Variants in SYNE1 observed in about 807,000 individuals in gnomAD.
The protein encoded by SYNE1 is spectrin repeat containing nuclear envelope protein 1.
In SYNE1, 616 loss-of-function variants were observed where a neutral mutation model predicts 1,111.0. That is an observed-to-expected ratio of 0.55 (90% confidence interval 0.52 to 0.59). The LOEUF (loss-of-function observed/expected upper bound fraction) is 0.59, where lower values mean the gene tolerates loss of function less well. Ranked by LOEUF, SYNE1 falls within the 20% of genes least tolerant of loss-of-function variation. The pLI, the probability that SYNE1 is intolerant of heterozygous loss-of-function variation, is 0.00. For missense variants in SYNE1, 10,006 were observed against 10,417.0 expected (o/e 0.96, Z 1.72); for synonymous variants, 3,855 against 3,825.8 (o/e 1.01, Z -0.28).
Position 152,352,046 on chromosome 6 carries a change from GC to G in SYNE1, c.11560del (p.Ala3854LeufsTer20), listed in dbSNP as rs1563277318. 3 of 1,614,090 alleles carry G rather than the reference GC, an allele frequency of 1.9e-6. No individual in the cohort carries two copies. Among genetic ancestry groups the G allele is most frequent in the East Asian group, 2.2e-5 (1 of 44,876 alleles). ...EPKMELYEKK[A>X]QLSKYKSLQQ... Reference sequence around the variant, plus strand: ...CACTACCTTGTATTTAGATAACTGAGCTTTTTTCTCATATAATTCCATTTTG... The same window carrying G: ...CACTACCTTGTATTTAGATAACTGAGTTTTTTCTCATATAATTCCATTTTG... On this transcript the variant is annotated frameshift_variant, in exon 70 of 146. Coordinates refer to ENST00000367255, the MANE Select transcript of SYNE1 (RefSeq NM_182961.4). LOFTEE classifies it high-confidence loss of function.
intron 3 of SYNE1, among the ~76,000 whole-genome samples, chr6:152,622,797 G>A (rs372279560): frequency 5.9e-5 from 9 of 152,224 alleles, no homozygotes; most frequent in Admixed American, 2.0e-4. Flanking sequence ...TGGGATTGCT[G>A]GGTTGAATGG....
chr6:152,248,640 C>G (rs2088150561), intron 105 of SYNE1, among the ~76,000 whole-genome samples: 1 of 152,114 alleles, frequency 6.6e-6, no homozygotes, highest in South Asian at 2.1e-4. Context: ...ATAGAATTAC[C>G]TGTGTTTTTC....
Position 152,565,215 on chromosome 6 carries a change from CCT to C in SYNE1, c.68-25196_68-25195del, listed in dbSNP as rs201956267. Reference sequence around the variant, plus strand: ...CTAGCTTCAACACTAAGAAAGAGGGCCTCTTGTGGAATTTAGACATTCAAAGG... The same window carrying C: ...CTAGCTTCAACACTAAGAAAGAGGGCCTTGTGGAATTTAGACATTCAAAGG... On this transcript the variant is annotated intron_variant, in intron 3 of 145. Transcript: ENST00000367255. Among the ~76,000 whole-genome samples, 840 of 152,268 alleles carry C rather than the reference CCT, an allele frequency of 5.5e-3. 14 individuals carry two copies. Among genetic ancestry groups the C allele is most frequent in the African/African-American group, 0.019 (805 of 41,550 alleles).
intron 10 of SYNE1, among the ~76,000 whole-genome samples, chr6:152,501,641 A>C (rs1354346392): frequency 1.3e-5 from 2 of 152,138 alleles, no homozygotes; most frequent in Non-Finnish European, 2.9e-5. Flanking sequence ...AGGCTGAGGC[A>C]GGAGAATTGT....
At position 152,151,579 on chromosome 6, in the gene SYNE1, C is replaced by T; in HGVS notation, c.24424G>A (p.Val8142Ile). The change falls in exon 135 of 146, where the codon GTT (valine) becomes ATT (isoleucine). Residue 8142 changes from valine (V) to isoleucine (I), a missense_variant. Coordinates refer to ENST00000367255, the MANE Select transcript of SYNE1 (RefSeq NM_182961.4). ...TNIEHFSECD[V>I]QAKIKQLKAF... ...TTGAGTTGCTTTATTTTAGCTTGAA[C>T]ATCACACTCAGAAAAATGTTCAATA... 1 of 1,614,070 alleles carries T rather than the reference C, an allele frequency of 6.2e-7. No individual in the cohort carries two copies. Among genetic ancestry groups the T allele is most frequent in the South Asian group, 1.1e-5 (1 of 91,058 alleles).
At chr6:152,481,075 G>T in intron 14 of SYNE1, 1 of 275,378 alleles carries the variant, frequency 3.6e-6, no homozygotes, top group South Asian at 3.8e-5. Context: ...TCACTCCCCC[G>T]TAGGAGATAC....
intron 55 of SYNE1, among the ~76,000 whole-genome samples, chr6:152,384,613 T>C (rs116688233): frequency 0.044 from 6,687 of 152,280 alleles, 240 homozygotes; most frequent in African/African-American, 0.096. Flanking sequence ...CCATGGCTCA[T>C]GCCTGTAATT....
At chr6:152,242,463 C>A (rs1562448920) in intron 106 of SYNE1, 23 bp from the exon 107 acceptor site, 14 of 1,613,026 alleles carry the variant, frequency 8.7e-6, no homozygotes, top group Non-Finnish European at 1.2e-5. Flanking sequence ...GACCACAAGA[C>A]TCACTCTCAA....
At chr6:152,259,368 G>T (rs1206294987) in intron 101 of SYNE1, among the ~76,000 whole-genome samples, 1 of 152,164 alleles carries the variant, frequency 6.6e-6, no homozygotes, top group African/African-American at 2.4e-5. Flanking sequence ...CAAGTAGGTT[G>T]TTGTGCATGG....
chr6:152,229,193 G>T (rs1402793969), intron 115 of SYNE1, among the ~76,000 whole-genome samples: 1 of 152,154 alleles, frequency 6.6e-6, no homozygotes, highest in Non-Finnish European at 1.5e-5. Context: ...GCAGAGAGAA[G>T]CTTTTCTGTA....
At chr6:152,315,121 G>A (rs1311614416) in intron 87 of SYNE1, 2 of 150,684 alleles carry the variant, frequency 1.3e-5, no homozygotes, top group African/African-American at 4.9e-5. Flanking sequence ...TATTAATACT[G>A]TGGAAAATAT....
intron 103 of SYNE1, 25 bp from the exon 104 acceptor site, chr6:152,255,114 T>C (rs2153620609): frequency 6.5e-7 from 1 of 1,550,218 alleles, no homozygotes; most frequent in East Asian, 2.3e-5. Flanking sequence ...AGGGCATTTT[T>C]CAGTGTTTAG....
chr6:152,565,973 A>G (rs1436647464), intron 3 of SYNE1, among the ~76,000 whole-genome samples: 2 of 152,242 alleles, frequency 1.3e-5, no homozygotes, highest in Non-Finnish European at 2.9e-5. Flanking sequence ...TACATGGGTG[A>G]TGGGAGCAGA....
chr6:152,475,959 C>T (rs374093949), intron 14 of SYNE1, among the ~76,000 whole-genome samples: 178 of 152,352 alleles, frequency 1.2e-3, no homozygotes, highest in African/African-American at 4.1e-3. Flanking sequence ...TAAGACAACA[C>T]TGTAGCTGGA....
Position 152,284,267 on chromosome 6 carries a change from G to A in SYNE1, c.18013-95C>T, listed in dbSNP as rs1349880684. The A allele has an allele frequency of 3.9e-6, 5 of 1,286,228 alleles. No individual in the cohort carries two copies. The East Asian group carries it at 9.9e-5, about 25-fold the overall frequency. 79.7% of individuals were successfully genotyped at this position (1,286,228 alleles called of 1,614,324 possible). A position where few individuals can be genotyped will look rare whatever the true frequency, so the allele number is the denominator to read the frequency against. ...AGTCTCACATCCATTGGGATTAGCG[G>A]AAGAGATTTCACCTGGGAATCATTA... On this transcript the variant is annotated intron_variant, in intron 95 of 145. Coordinates refer to ENST00000367255, the MANE Select transcript of SYNE1 (RefSeq NM_182961.4).
intron 12 of SYNE1, among the ~76,000 whole-genome samples, chr6:152,485,881 T>C (rs1454098964): frequency 6.6e-6 from 1 of 152,172 alleles, no homozygotes; most frequent in Non-Finnish European, 1.5e-5. Flanking sequence ...TCATTTTCTC[T>C]AACTGAATGG....
At chr6:152,449,266 T>C (rs1172170993) in intron 28 of SYNE1, among the ~76,000 whole-genome samples, 1 of 152,218 alleles carries the variant, frequency 6.6e-6, no homozygotes, top group Non-Finnish European at 1.5e-5. Flanking sequence ...TATACGCCCA[T>C]GCATGCAATT....
chr6:152,149,954 G>A lies in SYNE1; in HGVS notation c.24451-286C>T, dbSNP rs749868693. ...GGTAGTGTGGGTAGAGAATAACAGG[G>A]GAAAATATTCAAACCCACCGTAAGT... On this transcript the variant is annotated intron_variant, in intron 135 of 145. Coordinates refer to ENST00000367255, the MANE Select transcript of SYNE1 (RefSeq NM_182961.4). Among the ~76,000 whole-genome samples, 30 of 152,128 alleles carry A rather than the reference G, an allele frequency of 2.0e-4. 1 individual carries two copies. Among genetic ancestry groups the A allele is most frequent in the Admixed American group, 5.9e-4 (9 of 15,276 alleles).
chr6:152,530,181 C>A (rs2099189445), intron 4 of SYNE1, among the ~76,000 whole-genome samples: 1 of 152,210 alleles, frequency 6.6e-6, no homozygotes, highest in Admixed American at 6.5e-5. Context: ...CGCAGGCCTG[C>A]TGAGTTAAGT....
Sources: gnomAD v4.1 joint callset for allele counts (sites outside exome capture counted in the v4.1 genomes callset) on GRCh38, gnomAD v4.1.1 for gene constraint, MANE v1.5 for transcripts, NCBI Gene and HGNC (gene_info 2026-07-23, HGNC 2026-07-21) for gene names.